Variants in LRMDA observed in about 807,000 individuals in gnomAD.
The protein encoded by LRMDA is leucine rich melanocyte differentiation associated.
Under a neutral mutation model 29.8 loss-of-function variants are expected in LRMDA, and 18 were observed. The ratio of observed to expected loss-of-function variants is 0.60; its 90% CI spans 0.42 to 0.90. The LOEUF (loss-of-function observed/expected upper bound fraction) is 0.90, where lower values mean the gene tolerates loss of function less well. Ranked by LOEUF, LRMDA falls within the 40% of genes least tolerant of loss-of-function variation. LRMDA has a pLI of 0.00. For missense variants in LRMDA, 273 were observed against 273.9 expected, an observed-to-expected ratio of 1.00 and a Z score of 0.02; for synonymous variants, 125 against 109.4, an observed-to-expected ratio of 1.14 and a Z score of -0.89.
chr10:75,812,176 A>G (rs576351933), intron 2 of LRMDA, among the ~76,000 whole-genome samples: 45 of 89,912 alleles, frequency 5.0e-4, no homozygotes, highest in Middle Eastern at 0.021. Context: ...TGTCTTTTGT[A>G]TCAGGGAATC....
At chr10:75,559,629 A>C (rs1470028419) in intron 2 of LRMDA, among the ~76,000 whole-genome samples, 2 of 149,314 alleles carry the variant, frequency 1.3e-5, no homozygotes, top group African/African-American at 4.9e-5. Flanking sequence ...CTGAATGGTA[A>C]TGCCTAGGTT....
intron 2 of LRMDA, among the ~76,000 whole-genome samples, chr10:75,626,643 T>C (rs191122547): frequency 2.4e-4 from 37 of 152,322 alleles, no homozygotes; most frequent in Admixed American, 2.2e-3. Flanking sequence ...TCCTAAAATC[T>C]ACCATTTGGC....
chr10:75,892,565 C>T (rs1845510185), intron 2 of LRMDA, among the ~76,000 whole-genome samples: 1 of 152,160 alleles, frequency 6.6e-6, no homozygotes, highest in Non-Finnish European at 1.5e-5. Context: ...AGTAATTATC[C>T]AGATTTCCTT....
In LRMDA at chr10:76,310,913, G is replaced by A. The variant is rs978037595; in HGVS notation, c.517-13488G>A. On this transcript the variant is annotated intron_variant, in intron 5 of 6. Coordinates refer to ENST00000611255, the MANE Select transcript of LRMDA (RefSeq NM_001305581.2). Reference sequence around the variant, plus strand: ...AGTTTTAGGTCTTTCATGAGAAAGGGAATCAGGAAGATTGGCTGAAACAAA... The same window carrying A: ...AGTTTTAGGTCTTTCATGAGAAAGGAAATCAGGAAGATTGGCTGAAACAAA... Among the ~76,000 whole-genome samples the A allele has an allele frequency of 3.3e-5, 5 of 152,316 alleles. No individual in the cohort carries two copies. The South Asian group carries it at 6.2e-4, about 19-fold the overall frequency.
intron 2 of LRMDA, among the ~76,000 whole-genome samples, chr10:75,755,426 G>A (rs943044124): frequency 6.6e-6 from 1 of 152,186 alleles, no homozygotes; most frequent in Non-Finnish European, 1.5e-5. Flanking sequence ...GGGGTTGGGG[G>A]CAAGTTTTTG....
intron 2 of LRMDA, among the ~76,000 whole-genome samples, chr10:75,463,963 G>A (rs982885889): frequency 4.6e-5 from 7 of 150,784 alleles, no homozygotes; most frequent in African/African-American, 1.5e-4. Context: ...CACTGCGCCC[G>A]GCTAATTTTT....
chr10:76,274,004 C>A (rs1367432656), intron 5 of LRMDA, among the ~76,000 whole-genome samples: 2 of 152,046 alleles, frequency 1.3e-5, no homozygotes, highest in African/African-American at 4.8e-5. Flanking sequence ...TTAGACAAAG[C>A]AGGATATATA....
rs144096352 is a variant in LRMDA, at chr10:76,166,942, C to T, written c.516+108159C>T. ...TTAAGCATTCCCTTTTCTCTGCAAC[C>T]TTGCCAGCATCTGTCTTATTTTTTG... is the stretch of plus-strand genomic sequence containing the variant. On this transcript the variant is annotated intron_variant, in intron 5 of 6. Transcript: ENST00000611255. Among the ~76,000 whole-genome samples the T allele has an allele frequency of 3.4e-3, 524 of 152,238 alleles. 4 individuals are homozygous for T. Among genetic ancestry groups the T allele is most frequent in the African/African-American group, 0.012 (507 of 41,550 alleles).
chr10:76,014,366 A>G (rs145433619), intron 2 of LRMDA, among the ~76,000 whole-genome samples: 23 of 151,798 alleles, frequency 1.5e-4, no homozygotes, highest in African/African-American at 5.6e-4. Flanking sequence ...ACCTCATACT[A>G]TATCCTTTAT....
intron 2 of LRMDA, among the ~76,000 whole-genome samples, chr10:75,801,098 C>T (rs1258500045): frequency 1.3e-5 from 2 of 152,178 alleles, no homozygotes; most frequent in African/African-American, 2.4e-5. Context: ...ATTAAAACTC[C>T]AGACCCTGAC....
At chr10:76,060,888 CCTTA>C (rs1219225482) in intron 5 of LRMDA, among the ~76,000 whole-genome samples, 1 of 152,144 alleles carries the variant, frequency 6.6e-6, no homozygotes, top group Non-Finnish European at 1.5e-5. Context: ...ACTCCAATAT[CCTTA>C]CTAACTGTAT....
chr10:75,684,563 C>T (rs1302055015), intron 2 of LRMDA, among the ~76,000 whole-genome samples: 1 of 152,204 alleles, frequency 6.6e-6, no homozygotes, highest in Non-Finnish European at 1.5e-5. Flanking sequence ...CAACCTCTTG[C>T]CTATGAAGTA....
chr10:76,174,651 G>A (rs1054250987), intron 5 of LRMDA, among the ~76,000 whole-genome samples: 1 of 152,130 alleles, frequency 6.6e-6, no homozygotes, highest in Non-Finnish European at 1.5e-5. Flanking sequence ...TATTCATATG[G>A]CCTCATATTT....
intron 2 of LRMDA, among the ~76,000 whole-genome samples, chr10:75,505,835 G>A (rs916998095): frequency 1.3e-5 from 2 of 152,156 alleles, no homozygotes; most frequent in Admixed American, 1.3e-4. Flanking sequence ...CATGCTGATG[G>A]TGTGTCTCAT....
At chr10:76,206,682 G>T (rs1851542940) in intron 5 of LRMDA, among the ~76,000 whole-genome samples, 1 of 152,194 alleles carries the variant, frequency 6.6e-6, no homozygotes, top group Non-Finnish European at 1.5e-5. Flanking sequence ...GATCCATGAG[G>T]CTCCCAAGTT....
chr10:76,014,106 GTA>G (rs1341556157), intron 2 of LRMDA, among the ~76,000 whole-genome samples: 12 of 73,230 alleles, frequency 1.6e-4, no homozygotes, highest in East Asian at 3.8e-4. Context: ...AAAAAAAAAA[GTA>G]TATATATATA....
chr10:76,401,965 A>G (rs575826425), intron 6 of LRMDA, among the ~76,000 whole-genome samples: 17 of 152,190 alleles, frequency 1.1e-4, no homozygotes, highest in African/African-American at 3.9e-4. Flanking sequence ...GTCGGGGGAA[A>G]CAGCAAACAA....
intron 5 of LRMDA, among the ~76,000 whole-genome samples, chr10:76,072,049 T>C (rs1376108420): frequency 6.6e-6 from 1 of 152,042 alleles, no homozygotes; most frequent in African/African-American, 2.4e-5. Flanking sequence ...CCTTAGAAAA[T>C]AGCTTTTTAT....
chr10:75,876,303 T>C (rs1845197375), intron 2 of LRMDA, among the ~76,000 whole-genome samples: 1 of 152,116 alleles, frequency 6.6e-6, no homozygotes, highest in Non-Finnish European at 1.5e-5. Context: ...TATGCTTAGA[T>C]TTATATTTTA....
Sources: allele counts gnomAD v4.1 joint callset (sites outside exome capture counted in the v4.1 genomes callset), GRCh38; gene constraint gnomAD v4.1.1; transcripts MANE v1.5; gene names NCBI Gene and HGNC (gene_info 2026-07-23, HGNC 2026-07-21).